Variants in ZNF783 observed in about 807,000 individuals in gnomAD.
The protein encoded by ZNF783 is zinc finger protein 783.
ZNF783 carries 25 observed loss-of-function variants against 31.3 expected under a neutral mutation model. The ratio of observed to expected loss-of-function variants is 0.80; its 90% confidence interval spans 0.58 to 1.11. The LOEUF (loss-of-function observed/expected upper bound fraction) is 1.11. Among genes scored for constraint, ZNF783 ranks in the 50% most tolerant of loss-of-function variants. ZNF783 has a pLI of 0.00. For synonymous variants in ZNF783, 369 were observed against 319.1 expected (o/e 1.16, Z -1.66); for missense variants, 797 against 760.0 (o/e 1.05, Z -0.57).
Position 149,282,195 on chromosome 7 carries a change from A to G in ZNF783, c.1493A>G (p.Gln498Arg), listed in dbSNP as rs1797493748. 1 of 1,599,916 alleles carries G rather than the reference A, an allele frequency of 6.3e-7. No homozygotes were observed. The highest frequency in any genetic ancestry group is 1.3e-5 in the African/African-American group (1 of 75,002). The change falls in exon 6 of 6, where the codon CAG (glutamine) becomes CGG (arginine). Residue 498 changes from glutamine to arginine, a missense_variant. Gln to Arg is a conservative substitution (Grantham distance 43). Transcript: ENST00000434415. Reference protein sequence around the residue: ...HTGERPYQCPQCGRTFNRNHH... With the variant: ...HTGERPYQCPRCGRTFNRNHH... ...GGTGAGCGGCCCTACCAGTGCCCCC[A>G]GTGTGGCCGGACCTTCAACCGCAAC...
intron 1 of ZNF783, among the ~76,000 whole-genome samples, chr7:149,264,363 T>C (rs1797010381): frequency 6.6e-6 from 1 of 152,022 alleles, no homozygotes; most frequent in African/African-American, 2.4e-5. Context: ...AGAGGATGCA[T>C]ATTGAGAGCT....
At chr7:149,280,651 C>G (rs570639984) in intron 5 of ZNF783, among the ~76,000 whole-genome samples, 1 of 152,236 alleles carries the variant, frequency 6.6e-6, no homozygotes, top group Admixed American at 6.5e-5. Context: ...AAGCTGTTCA[C>G]GTGGTCTTGG....
At position 149,262,255 on chromosome 7, in the gene ZNF783, T is replaced by C; in HGVS notation, c.-79T>C. The C allele has an allele frequency of 7.9e-7, 1 of 1,270,252 alleles. No individual in the cohort carries two copies. The highest frequency in any genetic ancestry group is 1.0e-6 in the Non-Finnish European group (1 of 995,556). The allele number at this position is 1,270,252 out of a possible 1,614,324, so 78.7% of individuals were successfully genotyped here. On this transcript the variant is annotated 5_prime_UTR_variant, in exon 1 of 6. Coordinates refer to ENST00000434415, the MANE Select transcript of ZNF783 (RefSeq NM_001195220.2). ...CAGGTTAGGCGGGTCCCGCTCCGCTTCCGCCGTCGCTGCCGCGCCGCCCCG... is the reference window on the plus strand; with the variant it reads ...CAGGTTAGGCGGGTCCCGCTCCGCTCCCGCCGTCGCTGCCGCGCCGCCCCG...
rs1216988901 is a variant in ZNF783 at position 149,284,872 on chromosome 7, C to T, written c.*2529C>T. ...GGCCCCAAACTCTCCCAGCAGGGTC[C>T]TCGGTTTCCTCATTTGTGAAATAAA... On this transcript the variant is annotated 3_prime_UTR_variant, in exon 6 of 6. Coordinates refer to ENST00000434415, the MANE Select transcript of ZNF783 (RefSeq NM_001195220.2). 2 of 152,218 alleles carry T rather than the reference C, an allele frequency of 1.3e-5. No individual in the cohort carries two copies. Among genetic ancestry groups the T allele is most frequent in the African/African-American group, 2.4e-5 (1 of 41,460 alleles). The allele number at this position is 152,218 out of a possible 1,614,324, so 9.4% of individuals were successfully genotyped here. A position where few individuals can be genotyped will look rare whatever the true frequency, so the allele number is the denominator to read the frequency against.
intron 4 of ZNF783, among the ~76,000 whole-genome samples, chr7:149,269,670 A>T (rs558844864): frequency 2.6e-4 from 39 of 152,116 alleles, no homozygotes; most frequent in African/African-American, 8.7e-4. Flanking sequence ...CATTTTTTTT[A>T]AATTTTATTA....
rs761613651 is a variant in ZNF783 at position 149,266,665 on chromosome 7, T to C, written c.355T>C (p.Leu119=). Residue 119 remains leucine (L), a synonymous_variant, in exon 2 of 6, where the codon TTG becomes CTG. Transcript: ENST00000434415. ...GAGGCGGCTGGAGAATGTGGAGAAC[T>C]TGCTGCGCAACAGGAACTTCTGGAT... is the stretch of plus-strand genomic sequence containing the variant. ...LQRRLENVEN[L]LRNRNFWILR... 19 of 1,613,956 alleles carry C rather than the reference T, an allele frequency of 1.2e-5. No individual in the cohort carries two copies. Among genetic ancestry groups the C allele is most frequent in the African/African-American group, 2.7e-5 (2 of 74,898 alleles).
At chr7:149,266,023 A>T (rs1797054398) in intron 1 of ZNF783, among the ~76,000 whole-genome samples, 1 of 152,160 alleles carries the variant, frequency 6.6e-6, no homozygotes, top group East Asian at 1.9e-4. Flanking sequence ...CTTGTTTGAG[A>T]CTGCACGTGG....
intron 4 of ZNF783, among the ~76,000 whole-genome samples, chr7:149,273,129 C>A (rs1300504094): frequency 1.4e-5 from 2 of 138,736 alleles, no homozygotes; most frequent in Non-Finnish European, 3.4e-5. Flanking sequence ...TATGTACCAC[C>A]TTTTCTCTGT....
intron 4 of ZNF783, among the ~76,000 whole-genome samples, chr7:149,270,311 G>A (rs1300913824): frequency 2.0e-5 from 3 of 152,004 alleles, no homozygotes; most frequent in Non-Finnish European, 4.4e-5. Context: ...GTATTTTTTC[G>A]TAAAGACAGA....
At chr7:149,274,902 C>T (rs1357307974) in intron 4 of ZNF783, among the ~76,000 whole-genome samples, 1 of 152,080 alleles carries the variant, frequency 6.6e-6, no homozygotes, top group Non-Finnish European at 1.5e-5. Context: ...GTTCTGTATA[C>T]ACTTTAGGAT....
At position 149,278,439 on chromosome 7, in the gene ZNF783, C is replaced by T. The variant is rs768796240; in HGVS notation, c.714C>T (p.Ser238=). 6.3e-7 allele frequency: 1 copy of T among 1,599,396 alleles called. No individual in the cohort carries two copies. Among genetic ancestry groups the T allele is most frequent in the Admixed American group, 1.7e-5 (1 of 60,000 alleles). Residue 238 remains serine (S), a synonymous_variant, in exon 5 of 6, where the codon AGC becomes AGT. Coordinates refer to ENST00000434415, the MANE Select transcript of ZNF783 (RefSeq NM_001195220.2). ...PYPEHLTSPL[S]PAQEELKEGQ... is the part of the protein sequence containing the mutation. ...CAGAGCACCTCACCAGCCCACTTAGCCCTGCCCAGGAGGAGCTGAAAGAAG... is the reference window on the plus strand; with the variant it reads ...CAGAGCACCTCACCAGCCCACTTAGTCCTGCCCAGGAGGAGCTGAAAGAAG...
chr7:149,277,453 A>G (rs1312245894), intron 4 of ZNF783: 1 of 152,032 alleles, frequency 6.6e-6, no homozygotes, highest in Non-Finnish European at 1.5e-5. Flanking sequence ...AAAAAATCAG[A>G]GCTTTGGCCA....
chr7:149,271,631 T>A (rs1482623480), intron 4 of ZNF783, among the ~76,000 whole-genome samples: 1 of 152,222 alleles, frequency 6.6e-6, no homozygotes, highest in East Asian at 1.9e-4. Flanking sequence ...TTTTTGAATA[T>A]GTAAGATATT....
In ZNF783 at chr7:149,263,612, T is replaced by C. The variant is rs79301005; in HGVS notation, c.24+1255T>C. On this transcript the variant is annotated intron_variant, in intron 1 of 5. Transcript: ENST00000434415. ...AGAAGGAAGAATCACATCAGTTTTT[T>C]TGGCATCTTCATCTATATAAGTTAG... Among the ~76,000 whole-genome samples the C allele has an allele frequency of 3.7e-3, 556 of 152,240 alleles. 6 individuals carry two copies. The highest frequency in any genetic ancestry group is 0.013 in the African/African-American group (529 of 41,530).
rs1797495061 is a variant in ZNF783 at position 149,282,235 on chromosome 7, G to A, written c.1533G>A (p.Val511=). Residue 511 remains valine (V), a synonymous_variant, in exon 6 of 6, where the codon GTG becomes GTA. Coordinates refer to ENST00000434415, the MANE Select transcript of ZNF783 (RefSeq NM_001195220.2). ...RTFNRNHHLA[V]HMQTHARGQV... is the part of the protein sequence containing the mutation. ...TCAACCGCAACCACCACCTGGCCGT[G>A]CACATGCAGACCCACGCCCGAGGCC... The A allele has an allele frequency of 1.3e-6, 2 of 1,598,004 alleles. No homozygotes were observed. Among genetic ancestry groups the A allele is most frequent in the South Asian group, 1.1e-5 (1 of 91,048 alleles).
rs1026124581 is a variant in ZNF783 at position 149,282,170 on chromosome 7, G to C, written c.1468G>C (p.Gly490Arg). 1.2e-6 allele frequency: 2 copies of C among 1,600,974 alleles called. No individual in the cohort carries two copies. Among genetic ancestry groups the C allele is most frequent in the African/African-American group, 2.7e-5 (2 of 74,922 alleles). Residue 490 changes from glycine to arginine, a missense_variant, in exon 6 of 6, where the codon GGT becomes CGT. Coordinates refer to ENST00000434415, the MANE Select transcript of ZNF783 (RefSeq NM_001195220.2). ...DLFRHQRIHT[G>R]ERPYQCPQCG... is the part of the protein sequence containing the mutation. ...CTTCCGGCACCAGCGCATCCACACC[G>C]GTGAGCGGCCCTACCAGTGCCCCCA...
At chr7:149,274,264 T>C (rs1797273924) in intron 4 of ZNF783, among the ~76,000 whole-genome samples, 1 of 152,146 alleles carries the variant, frequency 6.6e-6, no homozygotes, top group Admixed American at 6.6e-5. Context: ...GAGATAGGAG[T>C]TTAGTTTTAT....
chr7:149,282,605 G>A lies in ZNF783; in HGVS notation c.*262G>A, dbSNP rs1218629648. ...ATATTTTTGATAAGGCCTCTGGTAG[G>A]TACCACAGCCAAGAGGACCAGAGAT... On this transcript the variant is annotated 3_prime_UTR_variant, in exon 6 of 6. Transcript: ENST00000434415. 1 of 433,846 alleles carries A rather than the reference G, an allele frequency of 2.3e-6. No homozygotes were observed. Among genetic ancestry groups the A allele is most frequent in the Non-Finnish European group, 4.0e-6 (1 of 247,418 alleles). 26.9% of individuals were successfully genotyped at this position (433,846 alleles called of 1,614,324 possible).
chr7:149,266,911 G>A lies in ZNF783; in HGVS notation c.513G>A (p.Val171=). The A allele has an allele frequency of 6.2e-7, 1 of 1,614,146 alleles. No homozygotes were observed. Among genetic ancestry groups the A allele is most frequent in the Non-Finnish European group, 8.5e-7 (1 of 1,180,030 alleles). ...EDWQKELYKH[V]MRGNYETLVS... ...GGCAGAAGGAGCTCTACAAGCACGT[G>A]ATGAGGGGCAACTACGAGACGCTGG... The change falls in exon 3 of 6, where the codon GTG becomes GTA. Residue 171 remains valine (V), a synonymous_variant. Transcript: ENST00000434415.
Sources: gnomAD v4.1 joint callset for allele counts (sites outside exome capture counted in the v4.1 genomes callset) on GRCh38, gnomAD v4.1.1 for gene constraint, MANE v1.5 for transcripts, NCBI Gene and HGNC (gene_info 2026-07-23, HGNC 2026-07-21) for gene names.